PCSK4: variants seen among roughly 807,000 people sequenced by gnomAD.
PCSK4 encodes proprotein convertase subtilisin/kexin type 4, also known as testicular tissue protein Li 135.
Under a neutral mutation model 80.3 loss-of-function variants are expected in PCSK4, and 64 were observed. The ratio of observed to expected loss-of-function variants is 0.80; its 90% CI spans 0.65 to 0.98. The LOEUF (loss-of-function observed/expected upper bound fraction) is 0.98, where lower values mean the gene tolerates loss of function less well. Ranked by LOEUF, PCSK4 falls within the 50% of genes least tolerant of loss-of-function variation. PCSK4 has a pLI of 0.00. For missense variants in PCSK4, 1,213 were observed against 1,093.6 expected (o/e 1.11, Z -1.54); for synonymous variants, 561 against 487.6 (o/e 1.15, Z -1.98).
In PCSK4 at chr19:1,486,817, C is replaced by A. The variant is rs371629220; in HGVS notation, c.1068+36G>T. 5.4e-5 allele frequency: 84 copies of A among 1,542,096 alleles called. No individual in the cohort carries two copies. In the African/African-American group the frequency reaches 1.0e-3, roughly 19 times the overall value. ...GGAGGCCAGGCTGGGATGGCAGGGC[C>A]TGGGGAGGGGACCCTGTTGGGGCGG... On this transcript the variant is annotated intron_variant, in intron 8 of 14. Transcript: ENST00000300954.
chr19:1,483,984 G>A (rs1466394356), intron 9 of PCSK4, 43 bp from the exon 10 acceptor site: 2 of 1,474,898 alleles, frequency 1.4e-6, no homozygotes, highest in South Asian at 1.2e-5. Flanking sequence ...GCCGGGCCGC[G>A]CCTGGGGGCG....
At chr19:1,487,652 G>A (rs745950128) in exon 6 of PCSK4, 1 of 1,554,700 alleles carries the variant, frequency 6.4e-7, no homozygotes, top group Non-Finnish European at 8.7e-7. Context: ...AGCCATTGTT[G>A]GCCATCGCGG....
intron 2 of PCSK4, 46 bp downstream of exon 2, chr19:1,489,747 G>T: frequency 6.4e-7 from 1 of 1,568,258 alleles, no homozygotes. Context: ...GCCCCAGGAG[G>T]CAGCTGAGAC....
chr19:1,482,637 C>T (rs2084359430), intron 13 of PCSK4, 162 bp from the exon 14 acceptor site: 3 of 911,652 alleles, frequency 3.3e-6, no homozygotes, highest in Non-Finnish European at 4.9e-6. Context: ...TCACTGGACA[C>T]CGACATCTCC....
At position 1,481,811 on chromosome 19, in the gene PCSK4, C is replaced by T. The variant is rs1446695445; in HGVS notation, c.2216G>A (p.Arg739His). 19 of 1,527,542 alleles carry T rather than the reference C, an allele frequency of 1.2e-5. No individual in the cohort carries two copies. The highest frequency in any genetic ancestry group is 1.1e-4 in the East Asian group (5 of 43,846). The allele number at this position is 1,527,542 out of a possible 1,614,324, so 94.6% of individuals were successfully genotyped here. The change falls in exon 15 of 15, where the codon CGT (arginine) becomes CAT (histidine). Residue 739 changes from arginine to histidine, a missense_variant. By Grantham distance (29) the Arg-to-His change is conservative. Coordinates refer to ENST00000300954, the Ensembl canonical transcript of PCSK4. ...GGGTTTGGTGGGGGTGGCCCTGGCA[C>T]GGGAGAGCCAGGCGTATAGTGGGAG...
chr19:1,485,329 C>T (rs970170484), intron 8 of PCSK4, among the ~76,000 whole-genome samples: 27 of 151,034 alleles, frequency 1.8e-4, no homozygotes, highest in African/African-American at 5.8e-4. Flanking sequence ...TTTGGGAGGC[C>T]GAGGCTGGTG....
Position 1,487,662 on chromosome 19 carries a change from G to A in PCSK4, c.623C>T (p.Ala208Val), listed in dbSNP as rs1209444208. ...ACAGAAGCCATTGTTGGCCATCGCG[G>A]CCACCTCCCCAGCACAGCGGGTCCC... Residue 208 changes from alanine (A) to valine (V), a missense_variant, in exon 6 of 15, where the codon GCC (alanine) becomes GTC (valine). Transcript: ENST00000300954. 2.6e-6 allele frequency: 4 copies of A among 1,555,294 alleles called. No homozygotes were observed. In the South Asian group the frequency reaches 3.6e-5, roughly 14 times the overall value.
chr19:1,486,953 C>G, exon 8 of PCSK4: 2 of 1,607,918 alleles, frequency 1.2e-6, no homozygotes, highest in Non-Finnish European at 1.7e-6. Flanking sequence ...GGTGGTGCTG[C>G]CCACGGAAAG....
At chr19:1,486,468 T>C (rs1402790827) in intron 8 of PCSK4, among the ~76,000 whole-genome samples, 4 of 151,792 alleles carry the variant, frequency 2.6e-5, no homozygotes, top group African/African-American at 7.3e-5. Flanking sequence ...GGCTAATTTT[T>C]TGTATTTTTA....
In PCSK4 at chr19:1,486,832, TG is replaced by T; in HGVS notation, c.1068+20del. The T allele has an allele frequency of 3.8e-6, 6 of 1,578,548 alleles. No homozygotes were observed. Among genetic ancestry groups the T allele is most frequent in the Non-Finnish European group, 5.1e-6 (6 of 1,167,422 alleles). ...ATGGCAGGGCCTGGGGAGGGGACCC[TG>T]TTGGGGCGGCTGCACTCACGATCTG... On this transcript the variant is annotated intron_variant, in intron 8 of 14. Transcript: ENST00000300954.
exon 14 of PCSK4, chr19:1,482,368 C>G: frequency 5.8e-6 from 9 of 1,543,824 alleles, no homozygotes; most frequent in Non-Finnish European, 7.0e-6. Flanking sequence ...CACAGCCCCT[C>G]TGTGTCCCGC....
exon 15 of PCSK4, chr19:1,481,441 A>C: frequency 1.2e-5 from 3 of 250,898 alleles, no homozygotes; most frequent in Admixed American, 5.0e-5. Flanking sequence ...CTTCTAAGCA[A>C]CCTTTATTTG....
intron 8 of PCSK4, among the ~76,000 whole-genome samples, chr19:1,485,436 A>G (rs933848810): frequency 1.3e-5 from 2 of 152,004 alleles, no homozygotes; most frequent in African/African-American, 4.8e-5. Flanking sequence ...ACATGGTGGC[A>G]TGCTTGTGGT....
exon 1 of PCSK4, chr19:1,490,186 C>G: frequency 6.2e-7 from 1 of 1,613,666 alleles, no homozygotes; most frequent in Non-Finnish European, 8.5e-7. Flanking sequence ...GCCGAATTTG[C>G]GTGCCAGGCG....
chr19:1,487,674 G>C (rs2084705273), exon 6 of PCSK4: 1 of 1,554,964 alleles, frequency 6.4e-7, no homozygotes, highest in Non-Finnish European at 8.7e-7. Context: ...CACCTCCCCA[G>C]CACAGCGGGT....
exon 14 of PCSK4, chr19:1,482,370 G>C: frequency 2.6e-6 from 4 of 1,544,352 alleles, no homozygotes; most frequent in Non-Finnish European, 3.5e-6. Context: ...CAGCCCCTCT[G>C]TGTCCCGCTG....
At chr19:1,490,407 G>T in exon 1 of PCSK4, 1 of 668,110 alleles carries the variant, frequency 1.5e-6, no homozygotes, top group Non-Finnish European at 2.4e-6. Flanking sequence ...CCGCCGAGTG[G>T]GCCCAGGCGT....
intron 1 of PCSK4, 63 bp from the exon 2 acceptor site, chr19:1,489,960 G>C: frequency 6.5e-7 from 1 of 1,546,702 alleles, no homozygotes; most frequent in Non-Finnish European, 8.7e-7. Flanking sequence ...GCCCCCGAGG[G>C]CCGGTAACAG....
intron 2 of PCSK4, 97 bp downstream of exon 2, chr19:1,489,696 C>A (rs2084835205): frequency 2.0e-6 from 3 of 1,515,930 alleles, no homozygotes; most frequent in Non-Finnish European, 1.8e-6. Flanking sequence ...AAGCACACAG[C>A]TGTTCATAAC....
Sources: allele counts gnomAD v4.1 joint callset (sites outside exome capture counted in the v4.1 genomes callset), GRCh38; gene constraint gnomAD v4.1.1; transcripts MANE v1.5; gene names NCBI Gene and HGNC (gene_info 2026-07-23, HGNC 2026-07-21).